Variants in ENPP2 observed in about 807,000 individuals in gnomAD.
The protein encoded by ENPP2 is autotaxin.
A neutral mutation model predicts 120.2 loss-of-function variants in ENPP2; 51 were observed. That is an observed-to-expected ratio of 0.42 (90% CI 0.34 to 0.54). The LOEUF (loss-of-function observed/expected upper bound fraction) is 0.54. ENPP2 is among the 20% of genes least tolerant of loss of function. The pLI is 0.04. For missense variants in ENPP2, 920 were observed against 1,066.5 expected, an observed-to-expected ratio of 0.86 and a Z score of 1.91; for synonymous variants, 365 against 366.4, an observed-to-expected ratio of 1.00 and a Z score of 0.04.
At chr8:119,626,831 A>G in intron 2 of ENPP2, 111 bp from the exon 3 acceptor site, 2 of 955,714 alleles carry the variant, frequency 2.1e-6, no homozygotes, top group South Asian at 1.5e-5. Context: ...CTGGAGGAGA[A>G]CACTGGCTCC....
At chr8:119,574,451 T>G (rs1587359919) in intron 19 of ENPP2, among the ~76,000 whole-genome samples, 1 of 151,778 alleles carries the variant, frequency 6.6e-6, no homozygotes, top group African/African-American at 2.4e-5. Flanking sequence ...AGACCGAGCC[T>G]TCATTCCACA....
Position 119,616,265 on chromosome 8 carries a change from C to A in ENPP2, c.777G>T (p.Pro259=). ...GACACACAATAAATGCAAAACTTACCGGTTGACCTCCCCACCATCTATGAT... is the reference window on the plus strand; with the variant it reads ...GACACACAATAAATGCAAAACTTACAGGTTGACCTCCCCACCATCTATGAT... ...KFNHRWWGGQ[P]LWITATKQGV... The change falls in exon 8 of 25, where the codon CCG becomes CCT. Residue 259 remains proline, a splice_region_variant and synonymous_variant. Coordinates refer to ENST00000075322, the MANE Select transcript of ENPP2 (RefSeq NM_001040092.3). 6.3e-7 allele frequency: 1 copy of A among 1,599,958 alleles called. No individual in the cohort carries two copies. Among genetic ancestry groups the A allele is most frequent in the Non-Finnish European group, 8.5e-7 (1 of 1,170,424 alleles).
intron 3 of ENPP2, among the ~76,000 whole-genome samples, chr8:119,625,840 C>T (rs1403834345): frequency 6.6e-6 from 1 of 152,134 alleles, no homozygotes; most frequent in East Asian, 1.9e-4. Context: ...CCTGTACATC[C>T]TAGTAACTGT....
chr8:119,583,626 T>C (rs1319977657), intron 17 of ENPP2, 91 bp downstream of exon 17: 3 of 728,178 alleles, frequency 4.1e-6, no homozygotes, highest in Non-Finnish European at 4.6e-6. Flanking sequence ...TCCCAGAAAA[T>C]AGACACCTCA....
chr8:119,617,633 A>C, intron 5 of ENPP2, 70 bp from the exon 6 acceptor site: 18 of 1,044,800 alleles, frequency 1.7e-5, no homozygotes, highest in East Asian at 2.5e-5. Context: ...AGTGATTCTC[A>C]ATAATGGGAG....
At chr8:119,585,929 C>CACACAT (rs1813077397) in intron 15 of ENPP2, among the ~76,000 whole-genome samples, 1 of 60,582 alleles carries the variant, frequency 1.7e-5, no homozygotes, top group Non-Finnish European at 2.7e-5. Context: ...ATGAAAGAGA[C>CACACAT]ACACACACAC....
chr8:119,614,981 T>C (rs1354025788), intron 8 of ENPP2, among the ~76,000 whole-genome samples: 1 of 152,200 alleles, frequency 6.6e-6, no homozygotes, highest in Admixed American at 6.5e-5. Flanking sequence ...TTTATTTTTT[T>C]AATAAAAAGC....
chr8:119,621,345 T>C, intron 4 of ENPP2, 49 bp downstream of exon 4: 2 of 1,590,824 alleles, frequency 1.3e-6, no homozygotes. Flanking sequence ...CTGGAGCACC[T>C]CCAGTTTTTA....
chr8:119,641,103 G>T (rs545227243), upstream of ENPP2, among the ~76,000 whole-genome samples: 3 of 152,216 alleles, frequency 2.0e-5, no homozygotes, highest in East Asian at 5.8e-4. Flanking sequence ...TTACCAGCTT[G>T]TTGTGCATAA....
At chr8:119,648,717 G>C (rs372405154) in intron 1 of ENPP2, among the ~76,000 whole-genome samples, 1 of 152,192 alleles carries the variant, frequency 6.6e-6, no homozygotes, top group East Asian at 1.9e-4. Context: ...TAGGAAGAGA[G>C]GACAACTTCC....
In ENPP2 at chr8:119,565,176, G is replaced by C. The variant is rs542690606; in HGVS notation, c.2132-221C>G. On this transcript the variant is annotated intron_variant, in intron 22 of 24. Coordinates refer to ENST00000075322, the MANE Select transcript of ENPP2 (RefSeq NM_001040092.3). ...GTGTAGAGCTATGAAACAATGGTAG[G>C]GGAGTTTAACGTAGTTCAAAAGTCA... Among the ~76,000 whole-genome samples the C allele has an allele frequency of 4.0e-4, 61 of 151,478 alleles. No individual in the cohort carries two copies. In the Middle Eastern group the frequency reaches 0.01, roughly 25 times the overall value.
chr8:119,647,801 T>A (rs1817515012), intron 1 of ENPP2, among the ~76,000 whole-genome samples: 1 of 152,010 alleles, frequency 6.6e-6, no homozygotes, highest in African/African-American at 2.4e-5. Flanking sequence ...GGTCAGGAGA[T>A]CGATGCCGAC....
chr8:119,564,979 A>T (rs118175182), intron 22 of ENPP2, 24 bp from the exon 23 acceptor site: 18,921 of 1,604,994 alleles, frequency 0.012, 169 homozygotes, highest in Middle Eastern at 0.034. Flanking sequence ...AAAATCCAAA[A>T]ATCAATTATT....
intron 18 of ENPP2, 121 bp from the exon 19 acceptor site, chr8:119,580,288 A>G (rs1812642993): frequency 1.3e-6 from 1 of 763,408 alleles, no homozygotes; most frequent in Non-Finnish European, 2.3e-6. Context: ...AACTCCATCT[A>G]TATCATACAT....
intron 1 of ENPP2, among the ~76,000 whole-genome samples, chr8:119,649,217 C>T (rs1044181480): frequency 2.0e-5 from 3 of 150,062 alleles, no homozygotes; most frequent in South Asian, 2.1e-4. Context: ...CACGGTGAAA[C>T]CCCGTCTCTA....
At chr8:119,578,737 C>T (rs1243100465) in intron 19 of ENPP2, among the ~76,000 whole-genome samples, 1 of 152,202 alleles carries the variant, frequency 6.6e-6, no homozygotes, top group Non-Finnish European at 1.5e-5. Flanking sequence ...TGTGTGCCTT[C>T]TACCAACAAT....
At chr8:119,602,701 C>T (rs1437879350) in intron 9 of ENPP2, among the ~76,000 whole-genome samples, 1 of 151,902 alleles carries the variant, frequency 6.6e-6, no homozygotes, top group African/African-American at 2.4e-5. Flanking sequence ...GGGAAATTCA[C>T]CCACTCTTTC....
At chr8:119,616,198 T>C in intron 8 of ENPP2, 67 bp downstream of exon 8, 1 of 1,476,766 alleles carries the variant, frequency 6.8e-7, no homozygotes, top group Non-Finnish European at 9.2e-7. Context: ...TCTAACAAAT[T>C]TGGGGATGAA....
rs1261746559 is a variant in ENPP2, at chr8:119,572,113, C to T, written c.1781-1272G>A. Reference sequence around the variant, plus strand: ...ATAAACAAATAAAACACCAGCAAATCGTAACAGTAGTACTTAGGGGCAGTA... The same window carrying T: ...ATAAACAAATAAAACACCAGCAAATTGTAACAGTAGTACTTAGGGGCAGTA... On this transcript the variant is annotated intron_variant, in intron 19 of 24. Transcript: ENST00000075322. 19 of 873,672 alleles carry T rather than the reference C, an allele frequency of 2.2e-5. No homozygotes were observed. In the East Asian group the frequency reaches 4.5e-4, roughly 21 times the overall value. The allele number at this position is 873,672 out of a possible 1,614,324, so 54.1% of individuals were successfully genotyped here.
Sources: allele counts gnomAD v4.1 joint callset (sites outside exome capture counted in the v4.1 genomes callset), GRCh38; gene constraint gnomAD v4.1.1; transcripts MANE v1.5; gene names NCBI Gene and HGNC (gene_info 2026-07-23, HGNC 2026-07-21).